DSTN: variants seen among roughly 807,000 people sequenced by gnomAD.
The protein encoded by DSTN is destrin.
DSTN carries 10 observed loss-of-function variants against 16.8 expected under a neutral mutation model. That is an observed-to-expected ratio of 0.60 (90% CI 0.37 to 1.01). DSTN has a LOEUF of 1.01. Among genes scored for constraint, DSTN ranks in the 50% least tolerant of loss-of-function variants. The probability of loss-of-function intolerance (pLI) is 0.01; values close to 1 mark genes in which losing one functional copy is unlikely to be tolerated. For missense variants in DSTN, 141 were observed against 196.7 expected, an observed-to-expected ratio of 0.72 and a Z score of 1.69; for synonymous variants, 57 against 58.9, an observed-to-expected ratio of 0.97 and a Z score of 0.14.
At chr20:17,574,743 A>G (rs201904364) in intron 1 of DSTN, among the ~76,000 whole-genome samples, 1 of 149,574 alleles carries the variant, frequency 6.7e-6, no homozygotes, top group South Asian at 2.1e-4. Flanking sequence ...AAAAAAAAAA[A>G]AAAATTAAAA....
chr20:17,590,021 C>T (rs190495396), intron 1 of DSTN, among the ~76,000 whole-genome samples: 13 of 152,158 alleles, frequency 8.5e-5, no homozygotes, highest in East Asian at 7.7e-4. Flanking sequence ...TTTAGTAGTA[C>T]GGAAAAAGAC....
At chr20:17,591,865 T>G in intron 1 of DSTN, 13 of 977,676 alleles carry the variant, frequency 1.3e-5, no homozygotes, top group South Asian at 4.7e-5. Flanking sequence ...TTTTGGTCTC[T>G]GAGATGTTAA....
intron 1 of DSTN, among the ~76,000 whole-genome samples, chr20:17,594,362 G>A (rs1191511940): frequency 6.6e-6 from 1 of 152,084 alleles, no homozygotes; most frequent in Non-Finnish European, 1.5e-5. Flanking sequence ...CTATCATGAA[G>A]TATGCTTACC....
intron 1 of DSTN, among the ~76,000 whole-genome samples, chr20:17,595,152 AC>A (rs1248021141): frequency 6.6e-6 from 1 of 151,854 alleles, no homozygotes; most frequent in Non-Finnish European, 1.5e-5. Context: ...TTGTCCTACC[AC>A]CCTCACCCCT....
intron 1 of DSTN, among the ~76,000 whole-genome samples, chr20:17,571,835 T>C (rs1400619327): frequency 2.0e-5 from 3 of 152,240 alleles, no homozygotes; most frequent in Non-Finnish European, 4.4e-5. Flanking sequence ...GGGTCTGTTA[T>C]ATTTCCTGGT....
At chr20:17,589,348 T>C (rs781438558) in intron 1 of DSTN, among the ~76,000 whole-genome samples, 1 of 152,076 alleles carries the variant, frequency 6.6e-6, no homozygotes, top group Non-Finnish European at 1.5e-5. Context: ...GTAGCTGGGA[T>C]TACAGGCACA....
In DSTN at chr20:17,609,217, T is replaced by C. The variant is rs2035673744; in HGVS notation, c.*2071T>C. The C allele has an allele frequency of 6.6e-6, 1 of 152,196 alleles. No individual in the cohort carries two copies. Among genetic ancestry groups the C allele is most frequent in the Non-Finnish European group, 1.5e-5 (1 of 68,034 alleles). 9.4% of individuals were successfully genotyped at this position (152,196 alleles called of 1,614,324 possible). On this transcript the variant is annotated 3_prime_UTR_variant, in exon 4 of 4. Coordinates refer to ENST00000246069, the MANE Select transcript of DSTN (RefSeq NM_006870.4). ...GCAATGCTTTTAGTGTGGGTTTTGT[T>C]TTTTGAGACAGGGTCTCACTCTTTC...
At chr20:17,605,133 G>A (rs1299556406) in intron 3 of DSTN, 1 of 456,218 alleles carries the variant, frequency 2.2e-6, no homozygotes, top group East Asian at 6.9e-5. Context: ...CTCCTGAGCT[G>A]GTCAGTTGTA....
intron 1 of DSTN, among the ~76,000 whole-genome samples, chr20:17,570,991 A>G (rs964216307): frequency 2.0e-5 from 3 of 152,172 alleles, no homozygotes; most frequent in African/African-American, 7.2e-5. Flanking sequence ...TGATGCTGGG[A>G]TGCTGATACA....
intron 1 of DSTN, among the ~76,000 whole-genome samples, chr20:17,578,166 T>A (rs960571751): frequency 6.6e-6 from 1 of 152,226 alleles, no homozygotes; most frequent in African/African-American, 2.4e-5. Flanking sequence ...TGAATTTCTT[T>A]ATAGGACTTA....
intron 1 of DSTN, among the ~76,000 whole-genome samples, chr20:17,582,397 T>A (rs2035356388): frequency 6.6e-6 from 1 of 152,118 alleles, no homozygotes; most frequent in African/African-American, 2.4e-5. Context: ...TACATTCTAA[T>A]GGGAGAGACA....
chr20:17,600,471 CT>C (rs1387455423), intron 1 of DSTN, among the ~76,000 whole-genome samples: 1 of 152,112 alleles, frequency 6.6e-6, no homozygotes, highest in Non-Finnish European at 1.5e-5. Flanking sequence ...GGAAACACTT[CT>C]TTTAAGGTTC....
intron 1 of DSTN, among the ~76,000 whole-genome samples, chr20:17,572,598 C>T (rs1218734703): frequency 6.6e-6 from 1 of 152,132 alleles, no homozygotes; most frequent in Admixed American, 6.5e-5. Flanking sequence ...GGACTGTGGT[C>T]TCACAGACTG....
At chr20:17,605,999 T>C (rs141725767) in intron 3 of DSTN, among the ~76,000 whole-genome samples, 1,981 of 152,192 alleles carry the variant, frequency 0.013, 41 homozygotes, top group African/African-American at 0.044. Flanking sequence ...TCCCAGCTAC[T>C]TGGGAGGCTG....
chr20:17,577,656 A>G (rs2035293808), intron 1 of DSTN, among the ~76,000 whole-genome samples: 1 of 152,106 alleles, frequency 6.6e-6, no homozygotes, highest in African/African-American at 2.4e-5. Context: ...AATACAAGCT[A>G]TGTATATACT....
At chr20:17,596,523 A>G in intron 1 of DSTN, 1 of 596,282 alleles carries the variant, frequency 1.7e-6, no homozygotes, top group Non-Finnish European at 2.1e-6. Flanking sequence ...TTTGTGTCTC[A>G]TTCAGCTATA....
chr20:17,582,252 A>G (rs1323088502), intron 1 of DSTN, among the ~76,000 whole-genome samples: 2 of 151,622 alleles, frequency 1.3e-5, no homozygotes, highest in Non-Finnish European at 2.9e-5. Context: ...CTAATTTTTT[A>G]TATCTTTAGT....
At chr20:17,570,272 C>T (rs989953833) in intron 1 of DSTN, 61 bp downstream of exon 1, 18 of 1,439,866 alleles carry the variant, frequency 1.3e-5, no homozygotes, top group African/African-American at 3.0e-5. Context: ...GTCTCTGGGG[C>T]GCCGCGGAGT....
chr20:17,574,169 A>C (rs1385609506), intron 1 of DSTN, among the ~76,000 whole-genome samples: 1 of 152,140 alleles, frequency 6.6e-6, no homozygotes, highest in Non-Finnish European at 1.5e-5. Context: ...GTACTACTGC[A>C]CTCCAGCCTG....
Sources: gnomAD v4.1 joint callset for allele counts (sites outside exome capture counted in the v4.1 genomes callset) on GRCh38, gnomAD v4.1.1 for gene constraint, MANE v1.5 for transcripts, NCBI Gene and HGNC (gene_info 2026-07-23, HGNC 2026-07-21) for gene names.